SYT10: variants seen among roughly 807,000 people sequenced by gnomAD.
The protein encoded by SYT10 is synaptotagmin 10, also known as synaptotagmin-10.
SYT10 carries 31 observed loss-of-function variants against 51.1 expected under a neutral mutation model. The observed-to-expected ratio is 0.61, with a 90% CI of 0.46 to 0.82. The LOEUF (loss-of-function observed/expected upper bound fraction) is 0.82, where lower values mean the gene tolerates loss of function less well. Ranked by LOEUF, SYT10 falls within the 40% of genes least tolerant of loss-of-function variation. SYT10 has a pLI of 0.00. For missense variants in SYT10, 603 were observed against 634.0 expected, an observed-to-expected ratio of 0.95 and a Z score of 0.53; for synonymous variants, 233 against 225.9, an observed-to-expected ratio of 1.03 and a Z score of -0.28.
chr12:33,428,103 GAA>G (rs1216915066), intron 1 of SYT10, among the ~76,000 whole-genome samples: 1 of 152,190 alleles, frequency 6.6e-6, no homozygotes, highest in Non-Finnish European at 1.5e-5. Context: ...AAATGGGAAA[GAA>G]AAGATTCCAG....
At chr12:33,390,185 A>C (rs1866191592) in intron 3 of SYT10, among the ~76,000 whole-genome samples, 1 of 152,204 alleles carries the variant, frequency 6.6e-6, no homozygotes, top group African/African-American at 2.4e-5. Flanking sequence ...ACCACAAACA[A>C]TCGCTGATGT....
At position 33,414,929 on chromosome 12, in the gene SYT10, C is replaced by T. The variant is rs1866440009; in HGVS notation, c.510-7573G>A. ...TTCAAATATTTACTACAAATAGATC[C>T]TTTCCTTCCAATAAAATCTGAGGCC... On this transcript the variant is annotated intron_variant, in intron 2 of 6. Coordinates refer to ENST00000228567, the MANE Select transcript of SYT10 (RefSeq NM_198992.4). Among the ~76,000 whole-genome samples the T allele has an allele frequency of 2.6e-5, 4 of 152,132 alleles. 1 individual carries two copies. In the South Asian group the frequency reaches 8.3e-4, roughly 32 times the overall value.
chr12:33,376,606 A>C lies in SYT10; in HGVS notation c.*224T>G. 1 of 530,668 alleles carries C rather than the reference A, an allele frequency of 1.9e-6. No individual in the cohort carries two copies. The highest frequency in any genetic ancestry group is 3.1e-5 in the Admixed American group (1 of 31,810). 32.9% of individuals were successfully genotyped at this position (530,668 alleles called of 1,614,324 possible). On this transcript the variant is annotated 3_prime_UTR_variant, in exon 7 of 7. Coordinates refer to ENST00000228567, the MANE Select transcript of SYT10 (RefSeq NM_198992.4). ...TTGTGCTAACAGGCATTTGATACGA[A>C]GGATAAAATGCCTTATGCAACTAAG... is the stretch of plus-strand genomic sequence containing the variant.
Position 33,407,191 on chromosome 12 carries a change from T to G in SYT10, c.675A>C (p.Gln225His). Residue 225 changes from glutamine (Q) to histidine (H), a missense_variant, in exon 3 of 7, where the codon CAA becomes CAC. Coordinates refer to ENST00000228567, the MANE Select transcript of SYT10 (RefSeq NM_198992.4). ...TCCCACAGATTTTGACATCTTCGTT[T>G]TGGTTGCCCTCAGAGTCAACTGATT... Reference protein sequence around the residue: ...KQKSVDSEGNQNEDVKICGKL... With the variant: ...KQKSVDSEGNHNEDVKICGKL... 1 of 1,614,216 alleles carries G rather than the reference T, an allele frequency of 6.2e-7. No individual in the cohort carries two copies. The highest frequency in any genetic ancestry group is 8.5e-7 in the Non-Finnish European group (1 of 1,180,042).
At chr12:33,429,082 G>A (rs1188166997) in intron 1 of SYT10, among the ~76,000 whole-genome samples, 2 of 152,128 alleles carry the variant, frequency 1.3e-5, no homozygotes, top group Non-Finnish European at 2.9e-5. Context: ...GCTTCAGAAT[G>A]GTGAGAAGGA....
intron 2 of SYT10, among the ~76,000 whole-genome samples, chr12:33,409,220 G>A (rs1266369983): frequency 6.6e-6 from 1 of 152,030 alleles, no homozygotes; most frequent in East Asian, 1.9e-4. Flanking sequence ...CATGAAGCTC[G>A]ATTTCTTTTT....
intron 4 of SYT10, among the ~76,000 whole-genome samples, chr12:33,384,709 C>T (rs1459217284): frequency 6.6e-6 from 1 of 152,142 alleles, no homozygotes; most frequent in Non-Finnish European, 1.5e-5. Flanking sequence ...TACAGATGCA[C>T]AAATTTTTAG....
intron 3 of SYT10, among the ~76,000 whole-genome samples, chr12:33,397,048 A>G (rs896114788): frequency 2.0e-5 from 3 of 152,232 alleles, no homozygotes; most frequent in Non-Finnish European, 2.9e-5. Flanking sequence ...GCCTTGTCTT[A>G]TCATCAGCCT....
chr12:33,438,288 C>A (rs1445335969), intron 1 of SYT10, among the ~76,000 whole-genome samples: 2 of 152,126 alleles, frequency 1.3e-5, no homozygotes, highest in Non-Finnish European at 2.9e-5. Flanking sequence ...ACAGGAAAAG[C>A]AAAGGGAAAG....
chr12:33,406,373 C>A (rs1866352782), intron 3 of SYT10, among the ~76,000 whole-genome samples: 1 of 151,962 alleles, frequency 6.6e-6, no homozygotes, highest in Non-Finnish European at 1.5e-5. Flanking sequence ...TAGGTTTGAT[C>A]TGATGAATTA....
intron 3 of SYT10, among the ~76,000 whole-genome samples, chr12:33,398,855 G>A (rs1866279497): frequency 6.6e-6 from 1 of 152,130 alleles, no homozygotes; most frequent in African/African-American, 2.4e-5. Flanking sequence ...CCATTTTACA[G>A]ATACTATAAT....
rs183245886 is a variant in SYT10 at position 33,426,559 on chromosome 12, G to T, written c.152-64C>A. 6,690 of 1,302,430 alleles carry T rather than the reference G, an allele frequency of 5.1e-3. 102 individuals are homozygous for T. The highest frequency in any genetic ancestry group is 3.7e-3 in the Non-Finnish European group (3,565 of 971,948). 80.7% of individuals were successfully genotyped at this position (1,302,430 alleles called of 1,614,324 possible). On this transcript the variant is annotated intron_variant, in intron 1 of 6. Coordinates refer to ENST00000228567, the MANE Select transcript of SYT10 (RefSeq NM_198992.4). ...GTACATAAAAAAGCAGAAATGGAAA[G>T]AATATTTTACATCATAATTGTTATT...
At chr12:33,408,746 A>G (rs1866380527) in intron 2 of SYT10, among the ~76,000 whole-genome samples, 1 of 152,116 alleles carries the variant, frequency 6.6e-6, no homozygotes, top group South Asian at 2.1e-4. Context: ...TTCTCCCCAA[A>G]TGCAACCAAA....
chr12:33,387,374 G>A, intron 3 of SYT10, among the ~76,000 whole-genome samples: 1 of 152,160 alleles, frequency 6.6e-6, no homozygotes, highest in East Asian at 1.9e-4. Flanking sequence ...CACTTCACAA[G>A]GGTTGTAAGC....
intron 2 of SYT10, among the ~76,000 whole-genome samples, chr12:33,420,186 G>C (rs902752546): frequency 6.6e-6 from 1 of 152,102 alleles, no homozygotes; most frequent in Non-Finnish European, 1.5e-5. Context: ...GAAATTACCT[G>C]TTTTCAGATT....
chr12:33,382,144 C>T (rs537068937), intron 5 of SYT10, among the ~76,000 whole-genome samples: 29 of 152,226 alleles, frequency 1.9e-4, no homozygotes, highest in African/African-American at 4.1e-4. Flanking sequence ...CACCAGTCCC[C>T]GGTGAATTTT....
intron 1 of SYT10, among the ~76,000 whole-genome samples, chr12:33,434,531 C>CAGT (rs1289964187): frequency 2.0e-5 from 3 of 152,152 alleles, no homozygotes; most frequent in African/African-American, 7.2e-5. Flanking sequence ...GGGCCAGGTG[C>CAGT]AGTAGCTCAC....
At chr12:33,385,053 T>A in intron 4 of SYT10, 118 bp downstream of exon 4, 1 of 1,243,786 alleles carries the variant, frequency 8.0e-7, no homozygotes, top group South Asian at 1.7e-5. Flanking sequence ...AATCTTTTTT[T>A]TTCTTTTGTA....
At chr12:33,388,255 A>G (rs1866175388) in intron 3 of SYT10, among the ~76,000 whole-genome samples, 1 of 152,226 alleles carries the variant, frequency 6.6e-6, no homozygotes, top group African/African-American at 2.4e-5. Context: ...AATAATATTT[A>G]AAGTAATGAC....
Sources: gnomAD v4.1 joint callset for allele counts (sites outside exome capture counted in the v4.1 genomes callset) on GRCh38, gnomAD v4.1.1 for gene constraint, MANE v1.5 for transcripts, NCBI Gene and HGNC (gene_info 2026-07-23, HGNC 2026-07-21) for gene names.